Variants in NOL11 observed in about 807,000 individuals in gnomAD.
The protein encoded by NOL11 is nucleolar protein 11.
Under a neutral mutation model 93.0 loss-of-function variants are expected in NOL11, and 42 were observed. The observed-to-expected ratio is 0.45, with a 90% CI of 0.35 to 0.58. The LOEUF (loss-of-function observed/expected upper bound fraction) is 0.58. Ranked by LOEUF, NOL11 falls within the 20% of genes least tolerant of loss-of-function variation. NOL11 has a pLI of 0.00. For synonymous variants in NOL11, 296 were observed against 293.7 expected, an observed-to-expected ratio of 1.01 and a Z score of -0.08; for missense variants, 775 against 841.8, an observed-to-expected ratio of 0.92 and a Z score of 0.98.
intron 3 of NOL11, among the ~76,000 whole-genome samples, chr17:67,720,672 A>G (rs1041893876): frequency 1.3e-5 from 2 of 152,212 alleles, no homozygotes; most frequent in Admixed American, 6.5e-5. Context: ...CTAGCTGTGC[A>G]TGTTCTACTG....
chr17:67,719,689 C>T lies in NOL11; in HGVS notation c.157C>T (p.Pro53Ser), dbSNP rs761108147. The T allele has an allele frequency of 2.5e-6, 4 of 1,595,210 alleles. No individual in the cohort carries two copies. In the East Asian group the frequency reaches 9.0e-5, roughly 36 times the overall value. Reference protein sequence around the residue: ...VILYKVSDQKPLGSWSVKQGQ... With the variant: ...VILYKVSDQKSLGSWSVKQGQ... Reference sequence around the variant, plus strand: ...ATTTCATTAGGTTTCTGATCAGAAACCCTTGGGGAGCTGGTCAGTGAAACA... The same window carrying T: ...ATTTCATTAGGTTTCTGATCAGAAATCCTTGGGGAGCTGGTCAGTGAAACA... Residue 53 changes from proline to serine, a missense_variant, in exon 2 of 18, where the codon CCC becomes TCC. Transcript: ENST00000253247.
At chr17:67,723,105 C>G (rs562366814) in intron 5 of NOL11, among the ~76,000 whole-genome samples, 1 of 150,892 alleles carries the variant, frequency 6.6e-6, no homozygotes. Flanking sequence ...CTCCTCCTCC[C>G]GGGTTCAAGT....
intron 12 of NOL11, 52 bp from the exon 13 acceptor site, chr17:67,737,795 C>T (rs1398221479): frequency 6.3e-6 from 10 of 1,585,372 alleles, no homozygotes; most frequent in Non-Finnish European, 8.6e-6. Context: ...AAATGTTCTG[C>T]AGTTGAGAAT....
chr17:67,724,872 CATG>C (rs1567799954), intron 6 of NOL11, among the ~76,000 whole-genome samples: 1 of 151,978 alleles, frequency 6.6e-6, no homozygotes. Flanking sequence ...TCCTGGCTAA[CATG>C]GTGAAACCCC....
chr17:67,729,746 T>C (rs2055134487), intron 7 of NOL11, among the ~76,000 whole-genome samples: 2 of 146,144 alleles, frequency 1.4e-5, no homozygotes, highest in South Asian at 4.4e-4. Context: ...GCCTGGCTGA[T>C]TTTTTTGTAT....
intron 4 of NOL11, 68 bp downstream of exon 4, chr17:67,721,594 C>A: frequency 1.5e-6 from 2 of 1,345,996 alleles, no homozygotes; most frequent in Middle Eastern, 1.9e-4. Flanking sequence ...TTGCCTTGTT[C>A]AAAAGTATTT....
In NOL11 at chr17:67,722,525, TC is replaced by T. The variant is rs1198920808; in HGVS notation, c.462-54del. ...TTGATTAAATTTTGATTGATATGTGTCTCCCAGCTGGTGATTTTTGCATCCT... is the reference window on the plus strand; with the variant it reads ...TTGATTAAATTTTGATTGATATGTGTTCCCAGCTGGTGATTTTTGCATCCT... On this transcript the variant is annotated intron_variant, in intron 4 of 17. Coordinates refer to ENST00000253247, the MANE Select transcript of NOL11 (RefSeq NM_015462.5). The T allele has an allele frequency of 2.6e-6, 4 of 1,540,124 alleles. No individual in the cohort carries two copies. The East Asian group carries it at 9.5e-5, about 36-fold the overall frequency.
intron 1 of NOL11, among the ~76,000 whole-genome samples, chr17:67,718,475 G>A (rs2043192803): frequency 6.6e-6 from 1 of 152,168 alleles, no homozygotes; most frequent in Non-Finnish European, 1.5e-5. Context: ...GACAGAGTGG[G>A]AATAGTGGTT....
intron 5 of NOL11, among the ~76,000 whole-genome samples, chr17:67,723,765 G>C (rs56334639): frequency 5.3e-5 from 8 of 151,526 alleles, no homozygotes; most frequent in African/African-American, 1.9e-4. Flanking sequence ...AAATAGTGTA[G>C]CATGGTAACA....
At chr17:67,741,407 A>T (rs1358605338) in intron 16 of NOL11, among the ~76,000 whole-genome samples, 1 of 151,832 alleles carries the variant, frequency 6.6e-6, no homozygotes, top group African/African-American at 2.4e-5. Context: ...TCTTGTAGAG[A>T]CAGGGACTCC....
In NOL11 at chr17:67,721,544, TA is replaced by T. The variant is rs2043217764; in HGVS notation, c.461+20del. On this transcript the variant is annotated intron_variant, in intron 4 of 17. Transcript: ENST00000253247. ...GTGATTAAGTAAGTTCCAGTACTTG[TA>T]AGTAAATTTATCAAAATAAAAATGC... The T allele has an allele frequency of 6.3e-7, 1 of 1,592,614 alleles. No homozygotes were observed. The highest frequency in any genetic ancestry group is 8.6e-7 in the Non-Finnish European group (1 of 1,168,140).
At chr17:67,741,596 G>A (rs926096310) in intron 16 of NOL11, among the ~76,000 whole-genome samples, 1 of 151,954 alleles carries the variant, frequency 6.6e-6, no homozygotes, top group Non-Finnish European at 1.5e-5. Flanking sequence ...TTCTGAGACA[G>A]AGCCTTGCCC....
intron 1 of NOL11, among the ~76,000 whole-genome samples, chr17:67,718,425 G>C (rs2043192435): frequency 6.6e-6 from 1 of 152,238 alleles, no homozygotes; most frequent in African/African-American, 2.4e-5. Context: ...GCCCGCGGGA[G>C]GATGGAACGG....
Position 67,737,663 on chromosome 17 carries a change from G to A in NOL11, c.1374G>A (p.Gln458=). The A allele has an allele frequency of 6.2e-7, 1 of 1,613,716 alleles. No homozygotes were observed. The highest frequency in any genetic ancestry group is 8.5e-7 in the Non-Finnish European group (1 of 1,179,886). ...TTTATCCCCGGAACTGTCTGATGCA[G>A]CTTATCCAAACGCATGTGCTTTCTT... The part of the protein sequence containing the change: ...PSFYPRNCLM[Q]LIQTHVLSYS... Residue 458 remains glutamine (Q), a synonymous_variant, in exon 12 of 18, where the codon CAG becomes CAA. Transcript: ENST00000253247.
At chr17:67,726,804 G>C (rs2055099134) in intron 7 of NOL11, 156 bp downstream of exon 7, 1 of 519,708 alleles carries the variant, frequency 1.9e-6, no homozygotes, top group East Asian at 3.4e-5. Context: ...AATTCTTCTT[G>C]AATTGGTTTT....
intron 4 of NOL11, among the ~76,000 whole-genome samples, chr17:67,722,211 C>G (rs1467038950): frequency 6.6e-6 from 1 of 152,208 alleles, no homozygotes; most frequent in East Asian, 1.9e-4. Flanking sequence ...AGTAACTTCT[C>G]TATGCCTCAG....
intron 7 of NOL11, among the ~76,000 whole-genome samples, chr17:67,728,217 A>G (rs1039564933): frequency 3.3e-5 from 5 of 152,180 alleles, no homozygotes; most frequent in Non-Finnish European, 7.4e-5. Context: ...CTGAGATCAC[A>G]CCACTGCACT....
chr17:67,744,011 G>A lies in NOL11; in HGVS notation c.*152G>A, dbSNP rs560650936. The A allele has an allele frequency of 1.8e-4, 80 of 434,400 alleles. No homozygotes were observed. The highest frequency in any genetic ancestry group is 1.0e-3 in the Admixed American group (24 of 23,392). The allele number at this position is 434,400 out of a possible 1,614,324, so 26.9% of individuals were successfully genotyped here. On this transcript the variant is annotated 3_prime_UTR_variant, in exon 18 of 18. Transcript: ENST00000253247. The stretch of plus-strand genomic sequence containing the variant: ...TGGACCATCACTTAACTGATGCTCC[G>A]GGGTAGGACTGCAGGTTTCACATGA...
Position 67,735,888 on chromosome 17 carries a change from CT to C in NOL11, c.931-5del. On this transcript the variant is annotated splice_polypyrimidine_tract_variant and intron_variant, in intron 8 of 17. Transcript: ENST00000253247. Reference sequence around the variant, plus strand: ...AAAAATTTGCTTATGTTTTTGATAACTTTTTTTGTAGCTCTGGTATTATGGA... The same window carrying C: ...AAAAATTTGCTTATGTTTTTGATAACTTTTTTGTAGCTCTGGTATTATGGA... 13 of 1,596,886 alleles carry C rather than the reference CT, an allele frequency of 8.1e-6. No individual in the cohort carries two copies. The highest frequency in any genetic ancestry group is 2.3e-5 in the East Asian group (1 of 44,422).
Sources: allele counts gnomAD v4.1 joint callset (sites outside exome capture counted in the v4.1 genomes callset), GRCh38; gene constraint gnomAD v4.1.1; transcripts MANE v1.5; gene names NCBI Gene and HGNC (gene_info 2026-07-23, HGNC 2026-07-21).